Variants in FBL observed in about 807,000 individuals in gnomAD.
FBL encodes the protein rRNA 2'-O-methyltransferase fibrillarin.
FBL carries 10 observed loss-of-function variants against 42.2 expected under a neutral mutation model. The observed-to-expected ratio is 0.24, with a 90% CI of 0.15 to 0.40. The LOEUF (loss-of-function observed/expected upper bound fraction) is 0.40. Ranked by LOEUF, FBL falls within the 10% of genes least tolerant of loss-of-function variation. The probability of loss-of-function intolerance (pLI) is 1.00; values close to 1 mark genes in which losing one functional copy is unlikely to be tolerated. For synonymous variants in FBL, 165 were observed against 165.4 expected (o/e 1.00, Z 0.02); for missense variants, 351 against 439.2 (o/e 0.80, Z 1.79).
At chr19:39,845,169 A>G (rs1969236976) in intron 1 of FBL, among the ~76,000 whole-genome samples, 1 of 152,208 alleles carries the variant, frequency 6.6e-6, no homozygotes, top group African/African-American at 2.4e-5. Context: ...TACTAGGAAA[A>G]CAGACCCTTT....
At chr19:39,836,720 G>A in intron 6 of FBL, 52 bp from the exon 7 acceptor site, 1 of 1,416,874 alleles carries the variant, frequency 7.1e-7, no homozygotes, top group African/African-American at 1.4e-5. Flanking sequence ...GATCACCCCA[G>A]ATCCTCCCAT....
intron 6 of FBL, 55 bp from the exon 7 acceptor site, chr19:39,836,723 C>T: frequency 7.2e-7 from 1 of 1,379,456 alleles, no homozygotes; most frequent in South Asian, 1.2e-5. Flanking sequence ...CACCCCAGAT[C>T]CTCCCATGGG....
chr19:39,838,860 G>A (rs1969102179), intron 5 of FBL, 175 bp downstream of exon 5: 1 of 607,318 alleles, frequency 1.6e-6, no homozygotes, highest in South Asian at 2.2e-5. Flanking sequence ...ACCCAGGAGT[G>A]AGGTTGAATG....
intron 4 of FBL, 39 bp from the exon 5 acceptor site, chr19:39,839,244 T>G: frequency 7.8e-6 from 12 of 1,543,598 alleles, no homozygotes; most frequent in African/African-American, 2.7e-5. Flanking sequence ...TGCTAGGCTC[T>G]TCTGCAGGAC....
At position 39,837,701 on chromosome 19, in the gene FBL, G is replaced by A. The variant is rs900206720; in HGVS notation, c.682+10C>T. On this transcript the variant is annotated intron_variant, in intron 6 of 8. Transcript: ENST00000221801. ...TCCTACCCCACCGGGGCCACCCCCA[G>A]ACCCCTCACCGATGAGCATGCGGTA... 4.5e-6 allele frequency: 7 copies of A among 1,559,104 alleles called. No individual in the cohort carries two copies. The Admixed American group carries it at 9.5e-5, about 21-fold the overall frequency.
chr19:39,844,842 C>G lies in FBL; in HGVS notation c.10+1449G>C, dbSNP rs78201553. Among the ~76,000 whole-genome samples, 28 of 152,322 alleles carry G rather than the reference C, an allele frequency of 1.8e-4. No individual in the cohort carries two copies. The East Asian group carries it at 5.2e-3, about 28-fold the overall frequency. On this transcript the variant is annotated intron_variant, in intron 1 of 8. Coordinates refer to ENST00000221801, the MANE Select transcript of FBL (RefSeq NM_001436.4). Reference sequence around the variant, plus strand: ...CTGCTCAAAAATCTCCCAAAGGGTTCTTTTCTCACTCAGGCTAAAATCCTT... The same window carrying G: ...CTGCTCAAAAATCTCCCAAAGGGTTGTTTTCTCACTCAGGCTAAAATCCTT...
At position 39,840,928 on chromosome 19, in the gene FBL, G is replaced by A; in HGVS notation, c.11-141C>T. On this transcript the variant is annotated intron_variant, in intron 1 of 8. Coordinates refer to ENST00000221801, the MANE Select transcript of FBL (RefSeq NM_001436.4). This position sits in a 1 kb window ranked among gnomAD's most constrained non-coding sequence, Gnocchi z 4.5. ...GGACACATTTCCAAGAATGTCCACA[G>A]CAAAAGAAAAGTGAAGACTAACCCA... 2 of 783,094 alleles carry A rather than the reference G, an allele frequency of 2.6e-6. No individual in the cohort carries two copies. Among genetic ancestry groups the A allele is most frequent in the Non-Finnish European group, 3.8e-6 (2 of 530,352 alleles). 48.5% of individuals were successfully genotyped at this position (783,094 alleles called of 1,614,324 possible).
In FBL at chr19:39,840,693, A is replaced by C. The variant is rs575718422; in HGVS notation, c.105T>G (p.Gly35=). 219 of 1,590,872 alleles carry C rather than the reference A, an allele frequency of 1.4e-4. 1 individual carries two copies. The South Asian group carries it at 2.2e-3, about 16-fold the overall frequency. The part of the protein sequence containing the change: ...GGRGGFGGGR[G]RGGGFRGRGR... ...CACGACCTCTAAAGCCTCCGCCTCGACCTCGGCCCCCGCCAAAGCCCCCTC... is the reference window on the plus strand; with the variant it reads ...CACGACCTCTAAAGCCTCCGCCTCGCCCTCGGCCCCCGCCAAAGCCCCCTC... Residue 35 remains glycine (G), a synonymous_variant, in exon 2 of 9, where the codon GGT becomes GGG. Coordinates refer to ENST00000221801, the MANE Select transcript of FBL (RefSeq NM_001436.4). This position sits in a 1 kb window ranked among gnomAD's most constrained non-coding sequence, Gnocchi z 4.5.
At chr19:39,835,832 A>G (rs1241088271) in intron 7 of FBL, among the ~76,000 whole-genome samples, 2 of 152,284 alleles carry the variant, frequency 1.3e-5, no homozygotes, top group East Asian at 3.9e-4. Context: ...AGGCTGAGGC[A>G]GAAGAATTGC....
In FBL at chr19:39,840,538, G is replaced by A. The variant is rs1969141451; in HGVS notation, c.182-23C>T. 2 of 1,613,908 alleles carry A rather than the reference G, an allele frequency of 1.2e-6. No individual in the cohort carries two copies. The highest frequency in any genetic ancestry group is 2.2e-5 in the East Asian group (1 of 44,880). On this transcript the variant is annotated intron_variant, in intron 2 of 8. Transcript: ENST00000221801. The surrounding 1 kb of genome is among the most constrained non-coding windows in gnomAD (Gnocchi z 4.5). ...CACCTATAAAGGAGAGGTACAACAG[G>A]AGAGAAAGATCCTGAATCTCCGCCC...
chr19:39,840,776 G>A lies in FBL; in HGVS notation c.22C>T (p.Arg8Cys), dbSNP rs865949573. Reference protein sequence around the residue: MKPGFSPRGGGFGGRGGF... With the variant: MKPGFSPCGGGFGGRGGF... The stretch of plus-strand genomic sequence containing the variant: ...CCTCGGCCGCCAAAGCCACCCCCAC[G>A]GGGACTGAATCCTGTGGGGGAAACA... Residue 8 changes from arginine (R) to cysteine (C), a missense_variant, in exon 2 of 9, where the codon CGT (arginine) becomes TGT (cysteine). Transcript: ENST00000221801. This position sits in a 1 kb window ranked among gnomAD's most constrained non-coding sequence, Gnocchi z 4.5. 9 of 1,558,064 alleles carry A rather than the reference G, an allele frequency of 5.8e-6. No individual in the cohort carries two copies. The African/African-American group carries it at 8.2e-5, about 14-fold the overall frequency.
At position 39,834,754 on chromosome 19, in the gene FBL, C is replaced by A. The variant is rs1280670609; in HGVS notation, c.855G>T (p.Lys285Asn). The change falls in exon 8 of 9, where the codon AAG becomes AAT. Residue 285 changes from lysine to asparagine, a missense_variant. By Grantham distance (94) the Lys-to-Asn change is moderately conservative. Coordinates refer to ENST00000221801, the MANE Select transcript of FBL (RefSeq NM_001436.4). ...GCGGCTTCATGTTCTCCTGTTGCAT[C>A]TTTTTCACTTCGGAGGCAAACACGG... is the stretch of plus-strand genomic sequence containing the variant. ...AEAVFASEVK[K>N]MQQENMKPQE... is the part of the protein sequence containing the mutation. The A allele has an allele frequency of 1.2e-6, 2 of 1,614,088 alleles. No homozygotes were observed. Among genetic ancestry groups the A allele is most frequent in the African/African-American group, 2.7e-5 (2 of 74,924 alleles).
chr19:39,839,231 C>T (rs752827408), intron 4 of FBL, 26 bp from the exon 5 acceptor site: 4 of 1,577,292 alleles, frequency 2.5e-6, no homozygotes, highest in Non-Finnish European at 3.5e-6. Context: ...GGACAGAAGT[C>T]AGTGCTAGGC....
At chr19:39,843,194 G>A (rs1417001633) in intron 1 of FBL, among the ~76,000 whole-genome samples, 3 of 152,060 alleles carry the variant, frequency 2.0e-5, no homozygotes, top group South Asian at 2.1e-4. Flanking sequence ...GGTCACCACC[G>A]CATCCCCAAA....
intron 1 of FBL, among the ~76,000 whole-genome samples, chr19:39,844,203 C>A (rs1969215864): frequency 6.6e-6 from 1 of 152,192 alleles, no homozygotes; most frequent in South Asian, 2.1e-4. Flanking sequence ...CTTGCCCAAG[C>A]CCTCCAACAG....
chr19:39,843,080 T>C (rs776691102), intron 1 of FBL, among the ~76,000 whole-genome samples: 24 of 152,168 alleles, frequency 1.6e-4, no homozygotes, highest in Non-Finnish European at 3.1e-4. Flanking sequence ...CCCTGCTTTA[T>C]TTCCCTTCAA....
chr19:39,834,729 G>A lies in FBL; in HGVS notation c.880C>T (p.Gln294Ter). 6.2e-7 allele frequency: 1 copy of A among 1,614,182 alleles called. No individual in the cohort carries two copies. Among genetic ancestry groups the A allele is most frequent in the Non-Finnish European group, 8.5e-7 (1 of 1,180,034 alleles). ...KKMQQENMKP[Q>*]EQLTLEPYER... ...TATGGCTCAAGGGTCAACTGCTCCTGCGGCTTCATGTTCTCCTGTTGCATC... is the reference window on the plus strand; with the variant it reads ...TATGGCTCAAGGGTCAACTGCTCCTACGGCTTCATGTTCTCCTGTTGCATC... Residue 294 changes from glutamine to a stop codon, truncating the protein, a stop_gained, in exon 8 of 9, where the codon CAG becomes TAG. Coordinates refer to ENST00000221801, the MANE Select transcript of FBL (RefSeq NM_001436.4). LOFTEE classifies it high-confidence loss of function.
chr19:39,839,108 G>T lies in FBL; in HGVS notation c.476C>A (p.Pro159Gln), dbSNP rs373658782. The change falls in exon 5 of 9, where the codon CCG becomes CAG. Residue 159 changes from proline to glutamine, a missense_variant. Coordinates refer to ENST00000221801, the MANE Select transcript of FBL (RefSeq NM_001436.4). ...LGGVDQIHIK[P>Q]GAKVLYLGAA... is the part of the protein sequence containing the mutation. ...CCCGAGGTAGAGAACCTTAGCCCCC[G>T]GTTTGATGTGGATCTGGTCCACACC... 1 of 1,614,004 alleles carries T rather than the reference G, an allele frequency of 6.2e-7. No homozygotes were observed. Among genetic ancestry groups the T allele is most frequent in the African/African-American group, 1.3e-5 (1 of 74,900 alleles).
At chr19:39,841,436 A>G (rs1969162924) in intron 1 of FBL, among the ~76,000 whole-genome samples, 1 of 152,204 alleles carries the variant, frequency 6.6e-6, no homozygotes, top group Admixed American at 6.5e-5. Flanking sequence ...AGGAGATATT[A>G]ATATGGGGTT....
Sources: allele counts gnomAD v4.1 joint callset (sites outside exome capture counted in the v4.1 genomes callset), GRCh38; gene constraint gnomAD v4.1.1; non-coding constraint Gnocchi (gnomAD v3.1); transcripts MANE v1.5; gene names NCBI Gene and HGNC (gene_info 2026-07-23, HGNC 2026-07-21).